MAGI2: variants seen among roughly 807,000 people sequenced by gnomAD.
MAGI2 encodes the protein membrane associated guanylate kinase, WW and PDZ domain containing 2.
In MAGI2, 35 loss-of-function variants were observed where a neutral mutation model predicts 133.3. The ratio of observed to expected loss-of-function variants is 0.26; its 90% CI spans 0.20 to 0.35. The LOEUF is 0.35. Ranked by LOEUF, MAGI2 falls within the 10% of genes least tolerant of loss-of-function variation. The pLI is 1.00. For missense variants in MAGI2, 1,636 were observed against 1,863.4 expected (o/e 0.88, Z 2.25); for synonymous variants, 729 against 710.6 (o/e 1.03, Z -0.41).
At chr7:79,017,471 C>A (rs1025581889) in intron 1 of MAGI2, among the ~76,000 whole-genome samples, 2 of 152,180 alleles carry the variant, frequency 1.3e-5, no homozygotes, top group Non-Finnish European at 2.9e-5. Context: ...GCAACATCAG[C>A]CCACGAAGAT....
intron 2 of MAGI2, among the ~76,000 whole-genome samples, chr7:78,664,694 A>C (rs1251463685): frequency 6.8e-6 from 1 of 147,166 alleles, no homozygotes; most frequent in Non-Finnish European, 1.5e-5. Context: ...TTTCAATAAA[A>C]AATAGCAAAG....
chr7:79,394,639 A>G (rs998536427), intron 1 of MAGI2, among the ~76,000 whole-genome samples: 1 of 152,234 alleles, frequency 6.6e-6, no homozygotes, highest in Non-Finnish European at 1.5e-5. Context: ...AGCCAACCCC[A>G]GGCATGGCCT....
intron 2 of MAGI2, among the ~76,000 whole-genome samples, chr7:78,877,379 A>G (rs1795511325): frequency 1.3e-5 from 2 of 152,250 alleles, no homozygotes; most frequent in South Asian, 4.1e-4. Flanking sequence ...TTTTGGAAAT[A>G]AATAATCTTA....
intron 21 of MAGI2, among the ~76,000 whole-genome samples, chr7:78,054,041 T>C (rs1812298058): frequency 6.6e-6 from 1 of 152,236 alleles, no homozygotes; most frequent in Admixed American, 6.5e-5. Flanking sequence ...CTTCTCTTTA[T>C]AAGTGGAGGA....
intron 18 of MAGI2, among the ~76,000 whole-genome samples, chr7:78,130,585 CTCTT>C (rs1708465807): frequency 6.6e-6 from 1 of 152,196 alleles, no homozygotes; most frequent in Non-Finnish European, 1.5e-5. Flanking sequence ...ATTACTGAAT[CTCTT>C]CATTCATATG....
At position 79,126,907 on chromosome 7, in the gene MAGI2, G is replaced by A. The variant is rs527760435; in HGVS notation, c.302-119701C>T. 2.0e-4 allele frequency among the ~76,000 whole-genome samples: 31 copies of A among 151,716 alleles called. 1 individual carries two copies. The South Asian group carries it at 2.9e-3, about 14-fold the overall frequency. ...GTTGGTGTGCTGCACCCATTAACTC[G>A]TCATTTAGCATTAGGTATATCTCCT... On this transcript the variant is annotated intron_variant, in intron 1 of 21. Transcript: ENST00000354212.
intron 2 of MAGI2, among the ~76,000 whole-genome samples, chr7:78,788,238 T>A: frequency 6.6e-6 from 1 of 152,202 alleles, no homozygotes; most frequent in East Asian, 1.9e-4. Flanking sequence ...AAAATGTATG[T>A]ATGTGGGACA....
chr7:78,548,011 T>G (rs887097172), intron 3 of MAGI2, among the ~76,000 whole-genome samples: 1 of 152,228 alleles, frequency 6.6e-6, no homozygotes, highest in Non-Finnish European at 1.5e-5. Flanking sequence ...TGCTGATTAA[T>G]ACAATATCTT....
chr7:78,770,782 A>G (rs1160257515), intron 2 of MAGI2: 1 of 152,212 alleles, frequency 6.6e-6, no homozygotes, highest in Non-Finnish European at 1.5e-5. Context: ...GGAGGCTATA[A>G]ATAGAACACA....
intron 2 of MAGI2, among the ~76,000 whole-genome samples, chr7:78,937,652 A>G (rs181554514): frequency 6.6e-6 from 1 of 152,240 alleles, no homozygotes; most frequent in East Asian, 1.9e-4. Flanking sequence ...GGGAATTATC[A>G]CAAGCCAGTG....
rs138997046 is a variant in MAGI2 at position 79,201,463 on chromosome 7, T to A, written c.302-194257A>T. On this transcript the variant is annotated intron_variant, in intron 1 of 21. Transcript: ENST00000354212. The stretch of plus-strand genomic sequence containing the variant: ...TGATGTCCTTCAATATCAATCTTTC[T>A]TTGGAGAAGCATTTTCCAAGTATAT... 7.2e-5 allele frequency among the ~76,000 whole-genome samples: 11 copies of A among 152,172 alleles called. No individual in the cohort carries two copies. The East Asian group carries it at 2.1e-3, about 29-fold the overall frequency.
At chr7:78,369,013 AGTGCTGC>A (rs1486653042) in intron 7 of MAGI2, 136 bp downstream of exon 7, 64 of 528,398 alleles carry the variant, frequency 1.2e-4, no homozygotes, top group Admixed American at 1.1e-3. Context: ...ACAGCTAGCT[AGTGCTGC>A]TAGTCTTGGT....
chr7:79,230,083 A>T (rs1487957767), intron 1 of MAGI2, among the ~76,000 whole-genome samples: 1 of 150,464 alleles, frequency 6.6e-6, no homozygotes, highest in South Asian at 2.1e-4. Flanking sequence ...GAGAATGATG[A>T]TTTCCAATTT....
At chr7:79,410,367 A>G (rs1304972950) in intron 1 of MAGI2, 1 of 152,170 alleles carries the variant, frequency 6.6e-6, no homozygotes, top group Non-Finnish European at 1.5e-5. Context: ...TTGAAAAGAT[A>G]AAAGGTAAAA....
chr7:79,428,583 A>T (rs1443184034), intron 1 of MAGI2, among the ~76,000 whole-genome samples: 1 of 152,148 alleles, frequency 6.6e-6, no homozygotes, highest in Non-Finnish European at 1.5e-5. Context: ...AAAAATAAGG[A>T]ATGTCTACAT....
chr7:78,940,733 G>C (rs545694236), intron 2 of MAGI2: 1 of 152,290 alleles, frequency 6.6e-6, no homozygotes, highest in Admixed American at 6.5e-5. Flanking sequence ...ACACAGCTGG[G>C]ATTAGGCAAG....
At chr7:78,645,502 T>C (rs1231295862) in intron 2 of MAGI2, among the ~76,000 whole-genome samples, 1 of 152,100 alleles carries the variant, frequency 6.6e-6, no homozygotes, top group African/African-American at 2.4e-5. Context: ...TGATTTAATA[T>C]TCAAAAATCA....
At chr7:78,046,993 A>T (rs925965652) in intron 21 of MAGI2, among the ~76,000 whole-genome samples, 9 of 152,228 alleles carry the variant, frequency 5.9e-5, no homozygotes, top group Non-Finnish European at 8.8e-5. Context: ...AAAGTAGCTT[A>T]TGGACATTTT....
chr7:78,251,264 C>T (rs1792356153), intron 10 of MAGI2: 1 of 152,124 alleles, frequency 6.6e-6, no homozygotes, highest in South Asian at 2.1e-4. Flanking sequence ...AAAATCCTGT[C>T]CTAAAATCAG....
Sources: allele counts gnomAD v4.1 joint callset (sites outside exome capture counted in the v4.1 genomes callset), GRCh38; gene constraint gnomAD v4.1.1; transcripts MANE v1.5; gene names NCBI Gene and HGNC (gene_info 2026-07-23, HGNC 2026-07-21).